GPS1: variants seen among roughly 807,000 people sequenced by gnomAD.
The protein encoded by GPS1 is G protein pathway suppressor 1.
GPS1 carries 11 observed loss-of-function variants against 60.0 expected under a neutral mutation model. That is an observed-to-expected ratio of 0.18 (90% CI 0.12 to 0.30). GPS1 has a LOEUF of 0.30. GPS1 is among the 10% of genes least tolerant of loss of function. The pLI is 1.00. For missense variants in GPS1, 543 were observed against 669.2 expected (o/e 0.81, Z 2.08); for synonymous variants, 343 against 269.8 (o/e 1.27, Z -2.66).
upstream of GPS1, chr17:82,051,307 G>A (rs376651594): frequency 1.6e-4 from 231 of 1,427,430 alleles, no homozygotes; most frequent in African/African-American, 3.1e-3. The surrounding 1 kb of genome is among the most constrained non-coding windows in gnomAD (Gnocchi z 4.1). Flanking sequence ...CCTGGAGCTC[G>A]AGCTCAGGGT....
chr17:82,051,970 G>C lies in GPS1; in HGVS notation c.33+6G>C. On this transcript the variant is annotated splice_donor_region_variant and intron_variant, in intron 1 of 12. Transcript: ENST00000578552. The surrounding 1 kb of genome is among the most constrained non-coding windows in gnomAD (Gnocchi z 4.1). ...TTCAGGTGTTTAACTTGCAGGTAACGAGCCGAGGCCGCCCCGGGCCTCCGC... is the reference window on the plus strand; with the variant it reads ...TTCAGGTGTTTAACTTGCAGGTAACCAGCCGAGGCCGCCCCGGGCCTCCGC... 8.6e-7 allele frequency: 1 copy of C among 1,160,972 alleles called. No individual in the cohort carries two copies. Among genetic ancestry groups the C allele is most frequent in the Non-Finnish European group, 1.1e-6 (1 of 941,470 alleles). 71.9% of individuals were successfully genotyped at this position (1,160,972 alleles called of 1,614,324 possible).
chr17:82,051,835 T>C (rs2030686483), upstream of GPS1: 2 of 1,131,432 alleles, frequency 1.8e-6, no homozygotes, highest in Middle Eastern at 3.7e-4. This position sits in a 1 kb window ranked among gnomAD's most constrained non-coding sequence, Gnocchi z 4.1. Context: ...CGGCGGCCCC[T>C]TTAAGAACGC....
Position 82,055,768 on chromosome 17 carries a change from C to T in GPS1, c.777C>T (p.Tyr259=), listed in dbSNP as rs1470928760. Residue 259 remains tyrosine, a synonymous_variant, in exon 7 of 13, where the codon TAC becomes TAT. Coordinates refer to ENST00000578552, the MANE Select transcript of GPS1 (RefSeq NM_001321092.3). The stretch of plus-strand genomic sequence containing the variant: ...TGGCAGAGCTGGCCGCCAGGAAGTA[C>T]AAGCAGGCTGCCAAGTGCCTCCTGC... The part of the protein sequence containing the change: ...AGLAELAARK[Y]KQAAKCLLLA... 1.9e-6 allele frequency: 3 copies of T among 1,558,108 alleles called. No homozygotes were observed. The highest frequency in any genetic ancestry group is 2.6e-6 in the Non-Finnish European group (3 of 1,150,838).
chr17:82,052,229 C>T (rs1358483738), intron 1 of GPS1: 1 of 1,589,618 alleles, frequency 6.3e-7, no homozygotes, highest in Non-Finnish European at 8.6e-7. Context: ...CCGGCCGCCC[C>T]GACGCTAACG....
upstream of GPS1, chr17:82,051,496 G>T: frequency 7.3e-7 from 1 of 1,372,426 alleles, no homozygotes; most frequent in Non-Finnish European, 9.4e-7. This position sits in a 1 kb window ranked among gnomAD's most constrained non-coding sequence, Gnocchi z 4.1. Context: ...GGGGTCCGGC[G>T]CACCTGCTGG....
chr17:82,051,770 G>A (rs1251732031), upstream of GPS1: 1 of 1,103,406 alleles, frequency 9.1e-7, no homozygotes, highest in South Asian at 4.3e-5. This position sits in a 1 kb window ranked among gnomAD's most constrained non-coding sequence, Gnocchi z 4.1. Flanking sequence ...GGCTCATGCG[G>A]CCGCCGGGAC....
chr17:82,052,194 T>A, intron 1 of GPS1: 34 of 1,335,038 alleles, frequency 2.5e-5, no homozygotes, highest in East Asian at 2.1e-4. Context: ...CCGCCTCCCC[T>A]CCCAGCAGCT....
At position 82,056,643 on chromosome 17, in the gene GPS1, C is replaced by T. The variant is rs371188139; in HGVS notation, c.1131C>T (p.Tyr377=). ...CTGCCCTGCAGTATTTCAGCCCCTA[C>T]GTGTCAGCCGACATGCATAGGATGG... ...NRALIQYFSP[Y]VSADMHRMAA... is the part of the protein sequence containing the mutation. Residue 377 remains tyrosine (Y), a synonymous_variant, in exon 11 of 13, where the codon TAC becomes TAT. Coordinates refer to ENST00000578552, the MANE Select transcript of GPS1 (RefSeq NM_001321092.3). The T allele has an allele frequency of 2.9e-5, 47 of 1,608,966 alleles. No individual in the cohort carries two copies. Among genetic ancestry groups the T allele is most frequent in the African/African-American group, 1.1e-4 (8 of 74,884 alleles).
intron 1 of GPS1, 27 bp from the exon 2 acceptor site, chr17:82,053,247 G>T (rs200280861): frequency 2.0e-6 from 3 of 1,518,096 alleles, no homozygotes; most frequent in Non-Finnish European, 2.6e-6. Flanking sequence ...CCAGGACGAG[G>T]TGCCAGGTGC....
intron 3 of GPS1, 56 bp downstream of exon 3, chr17:82,054,105 C>G (rs910646158): frequency 1.3e-6 from 2 of 1,520,906 alleles, no homozygotes; most frequent in Admixed American, 4.0e-5. Context: ...GCGCGGGTGT[C>G]TGGGACTGGG....
rs1341736883 is a variant in GPS1 at position 82,057,346 on chromosome 17, T to C, written c.*219T>C. 2.8e-6 allele frequency: 2 copies of C among 719,262 alleles called. No homozygotes were observed. The highest frequency in any genetic ancestry group is 2.7e-5 in the East Asian group (1 of 36,898). The allele number at this position is 719,262 out of a possible 1,614,324, so 44.6% of individuals were successfully genotyped here. ...TGCAGGGCTCGACCCTGTGGGTTTC[T>C]GTCCCCAGGGAGCAGACTGTGCGGC... On this transcript the variant is annotated 3_prime_UTR_variant, in exon 13 of 13. Coordinates refer to ENST00000578552, the MANE Select transcript of GPS1 (RefSeq NM_001321092.3).
chr17:82,051,613 C>CAA (rs2030618820), upstream of GPS1: 1 of 1,237,426 alleles, frequency 8.1e-7, no homozygotes, highest in Admixed American at 4.3e-5. This position sits in a 1 kb window ranked among gnomAD's most constrained non-coding sequence, Gnocchi z 4.1. Context: ...AGGCTGGGGG[C>CAA]AGCGGGCCGG....
chr17:82,055,030 C>T (rs752678124), intron 5 of GPS1, 55 bp downstream of exon 5: 5 of 1,604,332 alleles, frequency 3.1e-6, no homozygotes, highest in Non-Finnish European at 4.3e-6. Flanking sequence ...CACTGCTGGC[C>T]CCTCCTGTCC....
chr17:82,052,665 C>T (rs569832593), intron 1 of GPS1: 6 of 613,196 alleles, frequency 9.8e-6, no homozygotes, highest in African/African-American at 1.9e-5. Context: ...GGGAGGCCCA[C>T]GGGTCCGGCG....
In GPS1 at chr17:82,057,460, G is replaced by A. The variant is rs1436847487; in HGVS notation, c.*333G>A. ...AGTGGGCGGTGTCCATTAAAGAGCA[G>A]ACTCAGCGTTGCTCTTGGCTGTTCT... On this transcript the variant is annotated 3_prime_UTR_variant, in exon 13 of 13. Coordinates refer to ENST00000578552, the MANE Select transcript of GPS1 (RefSeq NM_001321092.3). The A allele has an allele frequency of 4.0e-6, 2 of 499,918 alleles. No homozygotes were observed. The highest frequency in any genetic ancestry group is 1.9e-5 in the African/African-American group (1 of 52,344). The allele number at this position is 499,918 out of a possible 1,614,324, so 31.0% of individuals were successfully genotyped here.
chr17:82,054,476 C>A, intron 3 of GPS1, 34 bp from the exon 4 acceptor site: 1 of 1,460,252 alleles, frequency 6.8e-7, no homozygotes, highest in Non-Finnish European at 9.0e-7. Flanking sequence ...GCCCCCGTGA[C>A]CGCCGCCATC....
At chr17:82,052,236 A>T in intron 1 of GPS1, 1 of 1,590,148 alleles carries the variant, frequency 6.3e-7, no homozygotes, top group East Asian at 2.3e-5. Context: ...CCCCGACGCT[A>T]ACGCTCTTTC....
At position 82,056,645 on chromosome 17, in the gene GPS1, T is replaced by C; in HGVS notation, c.1133T>C (p.Val378Ala). Residue 378 changes from valine to alanine, a missense_variant, in exon 11 of 13, where the codon GTG (valine) becomes GCG (alanine). Val to Ala is a moderately conservative substitution (Grantham distance 64). This residue lies in a region of GPS1 where 291 missense variants were observed against 353.7 expected (regional missense o/e 0.82). Transcript: ENST00000578552. Reference sequence around the variant, plus strand: ...GCCCTGCAGTATTTCAGCCCCTACGTGTCAGCCGACATGCATAGGATGGCG... The same window carrying C: ...GCCCTGCAGTATTTCAGCCCCTACGCGTCAGCCGACATGCATAGGATGGCG... ...RALIQYFSPY[V>A]SADMHRMAAA... 1 of 1,609,532 alleles carries C rather than the reference T, an allele frequency of 6.2e-7. No homozygotes were observed. The highest frequency in any genetic ancestry group is 8.5e-7 in the Non-Finnish European group (1 of 1,177,948).
At chr17:82,052,326 C>T (rs1448646069) in intron 1 of GPS1, 7 of 1,613,026 alleles carry the variant, frequency 4.3e-6, no homozygotes, top group Non-Finnish European at 5.1e-6. Context: ...AGCTCGGCCC[C>T]CAGCTCGGCC....
Sources: allele counts gnomAD v4.1 joint callset, GRCh38; gene constraint gnomAD v4.1.1; regional missense constraint gnomAD v4.1.1; non-coding constraint Gnocchi (gnomAD v3.1); transcripts MANE v1.5; gene names NCBI Gene and HGNC (gene_info 2026-07-23, HGNC 2026-07-21).